The following ATXN1 variants were observed in gnomAD, a reference collection of about 807,000 sequenced individuals.
ATXN1 encodes the protein ataxin 1, also known as ataxin-1.
In ATXN1, 8 loss-of-function variants were observed where a neutral mutation model predicts 56.4. The ratio of observed to expected loss-of-function variants is 0.14; its 90% CI spans 0.08 to 0.26. The LOEUF is 0.26. Ranked by LOEUF, ATXN1 falls within the 10% of genes least tolerant of loss-of-function variation. The pLI is 1.00. For synonymous variants in ATXN1, 514 were observed against 494.6 expected (o/e 1.04, Z -0.52); for missense variants, 987 against 1,106.5 (o/e 0.89, Z 1.53).
intron 4 of ATXN1, among the ~76,000 whole-genome samples, chr6:16,531,623 C>CA (rs5874561): frequency 0.046 from 4,733 of 102,430 alleles, 118 homozygotes; most frequent in Non-Finnish European, 0.066. Context: ...AACTGTGTCT[C>CA]AAAAAAAAAA....
At chr6:16,729,473 A>G (rs965327330) in intron 2 of ATXN1, among the ~76,000 whole-genome samples, 54 of 152,334 alleles carry the variant, frequency 3.5e-4, no homozygotes, top group African/African-American at 1.3e-3. Flanking sequence ...CTCCGGAGTC[A>G]AGCTCTGAAT....
At chr6:16,392,877 G>A (rs1399277044) in intron 6 of ATXN1, among the ~76,000 whole-genome samples, 1 of 152,180 alleles carries the variant, frequency 6.6e-6, no homozygotes, top group Non-Finnish European at 1.5e-5. Context: ...ATGATCACCT[G>A]TAAACTTGTT....
At chr6:16,541,152 G>A (rs974531351) in intron 4 of ATXN1, among the ~76,000 whole-genome samples, 2 of 152,210 alleles carry the variant, frequency 1.3e-5, no homozygotes, top group African/African-American at 4.8e-5. Flanking sequence ...TAGAGGCTGA[G>A]GGCAGCCCAC....
intron 7 of ATXN1, among the ~76,000 whole-genome samples, chr6:16,324,138 G>A (rs1025057767): frequency 2.0e-5 from 3 of 151,960 alleles, no homozygotes; most frequent in Non-Finnish European, 4.4e-5. Context: ...CCTCACTTGG[G>A]CATTTAAGAA....
chr6:16,387,672 G>A (rs777648846), intron 6 of ATXN1, among the ~76,000 whole-genome samples: 14 of 152,174 alleles, frequency 9.2e-5, no homozygotes, highest in Non-Finnish European at 1.2e-4. Context: ...TGCCTGCTTC[G>A]TTATGAAACA....
At chr6:16,491,753 G>A (rs192564633) in intron 5 of ATXN1, among the ~76,000 whole-genome samples, 1 of 152,296 alleles carries the variant, frequency 6.6e-6, no homozygotes, top group Admixed American at 6.5e-5. Flanking sequence ...AAATATAAGT[G>A]AGGTCCAAAG....
intron 6 of ATXN1, among the ~76,000 whole-genome samples, chr6:16,434,570 C>T (rs926166800): frequency 2.0e-5 from 3 of 152,164 alleles, no homozygotes; most frequent in Admixed American, 6.5e-5. Context: ...TGTGTATTAT[C>T]GGTAACAGTC....
At chr6:16,680,355 T>C (rs1190099789) in intron 2 of ATXN1, among the ~76,000 whole-genome samples, 2 of 152,214 alleles carry the variant, frequency 1.3e-5, no homozygotes, top group African/African-American at 4.8e-5. Flanking sequence ...GTCCTTCTGT[T>C]CCTTCCTTTT....
intron 3 of ATXN1, among the ~76,000 whole-genome samples, chr6:16,627,421 A>C (rs1763425612): frequency 6.6e-6 from 1 of 152,124 alleles, no homozygotes; most frequent in African/African-American, 2.4e-5. Context: ...CATATCACCC[A>C]ACATCCCATT....
chr6:16,716,599 C>A (rs1759646043), intron 2 of ATXN1, among the ~76,000 whole-genome samples: 1 of 152,138 alleles, frequency 6.6e-6, no homozygotes, highest in Non-Finnish European at 1.5e-5. Flanking sequence ...TGATGCAATT[C>A]TCTGACGTGC....
At chr6:16,444,446 G>A (rs889629989) in intron 6 of ATXN1, among the ~76,000 whole-genome samples, 1 of 152,194 alleles carries the variant, frequency 6.6e-6, no homozygotes, top group African/African-American at 2.4e-5. Flanking sequence ...GGATCCCAAT[G>A]CTCAGACAGG....
At chr6:16,509,792 G>C (rs1021937676) in intron 5 of ATXN1, among the ~76,000 whole-genome samples, 1 of 152,120 alleles carries the variant, frequency 6.6e-6, no homozygotes, top group African/African-American at 2.4e-5. Flanking sequence ...TAAGTCCAGA[G>C]TTTCCATCCC....
intron 5 of ATXN1, among the ~76,000 whole-genome samples, chr6:16,492,912 C>T (rs1760697902): frequency 6.6e-6 from 1 of 152,164 alleles, no homozygotes; most frequent in Admixed American, 6.5e-5. Flanking sequence ...CCAGCTCCTC[C>T]TCTTTAATTT....
Position 16,306,342 on chromosome 6 carries a change from T to C in ATXN1, c.2435A>G (p.Asn812Ser). 6.2e-7 allele frequency: 1 copy of C among 1,608,504 alleles called. No homozygotes were observed. Among genetic ancestry groups the C allele is most frequent in the Non-Finnish European group, 8.5e-7 (1 of 1,177,694 alleles). ...CCCACGCTGCCTCTACTTGCCTACATTAGACCGGCCTTCAATGCAAATCTT... is the reference window on the plus strand; with the variant it reads ...CCCACGCTGCCTCTACTTGCCTACACTAGACCGGCCTTCAATGCAAATCTT... ...EVKICIEGRS[N>S]VGK Residue 812 changes from asparagine to serine, a missense_variant, in exon 8 of 8, where the codon AAT becomes AGT. Around this residue, in one of 3 missense-constraint regions of ATXN1, gnomAD observed 196 missense variants for 196.7 expected, o/e 1.00. Transcript: ENST00000436367. The surrounding 1 kb of genome is among the most constrained non-coding windows in gnomAD (Gnocchi z 5.2).
At chr6:16,674,519 T>G (rs1254974538) in intron 2 of ATXN1, among the ~76,000 whole-genome samples, 2 of 150,394 alleles carry the variant, frequency 1.3e-5, no homozygotes, top group Non-Finnish European at 3.0e-5. Context: ...CCAGCTAATT[T>G]TTTTTTTTTT....
intron 2 of ATXN1, among the ~76,000 whole-genome samples, chr6:16,743,693 C>T (rs1561834366): frequency 9.9e-5 from 15 of 152,222 alleles, no homozygotes; most frequent in Admixed American, 8.5e-4. Context: ...ATAACATAGT[C>T]CCTAGTCCAA....
chr6:16,554,005 T>A (rs1581840738), intron 4 of ATXN1, among the ~76,000 whole-genome samples: 1 of 151,878 alleles, frequency 6.6e-6, no homozygotes, highest in Non-Finnish European at 1.5e-5. Context: ...GGCAGCACTG[T>A]GAGTCTCCAT....
chr6:16,591,128 T>A (rs1366578557), intron 3 of ATXN1, among the ~76,000 whole-genome samples: 1 of 150,864 alleles, frequency 6.6e-6, no homozygotes, highest in Non-Finnish European at 1.5e-5. Context: ...ACTATTTTTT[T>A]AATTTTTTAG....
intron 2 of ATXN1, among the ~76,000 whole-genome samples, chr6:16,745,942 G>A (rs895905742): frequency 2.1e-4 from 21 of 99,582 alleles, no homozygotes; most frequent in South Asian, 1.4e-3. Flanking sequence ...CCGTGTGTGT[G>A]TGTGTGTGTG....
Sources: allele counts gnomAD v4.1 joint callset (sites outside exome capture counted in the v4.1 genomes callset), GRCh38; gene constraint gnomAD v4.1.1; regional missense constraint gnomAD v4.1.1; non-coding constraint Gnocchi (gnomAD v3.1); transcripts MANE v1.5; gene names NCBI Gene and HGNC (gene_info 2026-07-23, HGNC 2026-07-21).